Variants in ABCA4 observed in about 807,000 individuals in gnomAD.
The protein encoded by ABCA4 is retinal-specific phospholipid-transporting ATPase ABCA4.
A neutral mutation model predicts 263.7 loss-of-function variants in ABCA4; 196 were observed. That is an observed-to-expected ratio of 0.74 (90% CI 0.66 to 0.84). ABCA4 has a LOEUF of 0.84. Ranked by LOEUF, ABCA4 falls within the 40% of genes least tolerant of loss-of-function variation. The pLI, the probability that ABCA4 is intolerant of heterozygous loss-of-function variation, is 0.00. For synonymous variants in ABCA4, 1,133 were observed against 1,094.2 expected, an observed-to-expected ratio of 1.04 and a Z score of -0.70; for missense variants, 2,792 against 2,855.1, an observed-to-expected ratio of 0.98 and a Z score of 0.50.
intron 22 of ABCA4, among the ~76,000 whole-genome samples, chr1:94,042,195 T>G (rs1335467266): frequency 6.6e-6 from 1 of 151,360 alleles, no homozygotes; most frequent in African/African-American, 2.4e-5. Context: ...GGCAACGCTG[T>G]GTGAGTAGAG....
chr1:94,109,435 G>GC (rs1662539071), intron 3 of ABCA4, among the ~76,000 whole-genome samples: 1 of 152,198 alleles, frequency 6.6e-6, no homozygotes, highest in African/African-American at 2.4e-5. Context: ...ACACACATTG[G>GC]CACGCATGCA....
intron 6 of ABCA4, among the ~76,000 whole-genome samples, chr1:94,087,900 C>T (rs1200699611): frequency 6.6e-6 from 1 of 152,210 alleles, no homozygotes; most frequent in African/African-American, 2.4e-5. Context: ...CTCCCTGAGG[C>T]TTCGCCAGCC....
chr1:94,070,899 T>A (rs1334895), intron 11 of ABCA4, among the ~76,000 whole-genome samples: 35,299 of 152,070 alleles, frequency 0.23, 4,864 homozygotes, highest in African/African-American at 0.37. Context: ...GCGCTAAGTC[T>A]TGGCAAGCCT....
Position 93,993,205 on chromosome 1 carries a change from T to C in ABCA4, c.*32A>G, listed in dbSNP as rs1266965506. 3 of 1,613,890 alleles carry C rather than the reference T, an allele frequency of 1.9e-6. No individual in the cohort carries two copies. Among genetic ancestry groups the C allele is most frequent in the South Asian group, 1.1e-5 (1 of 91,074 alleles). ...TGCGCCTCCAGCTGCCCAGAGTTCC[T>C]TTCTGGCTGCAGGAACGAGCGGTGT... On this transcript the variant is annotated 3_prime_UTR_variant, in exon 50 of 50. Coordinates refer to ENST00000370225, the MANE Select transcript of ABCA4 (RefSeq NM_000350.3).
Position 94,029,481 on chromosome 1 carries a change from C to A in ABCA4, c.4503G>T (p.Glu1501Asp). Residue 1501 changes from glutamate (E) to aspartate (D), a missense_variant, in exon 30 of 50, where the codon GAG (glutamate) becomes GAT (aspartate). Physicochemically the swap from Glu to Asp is conservative, Grantham distance 45. Transcript: ENST00000370225. ...STREKLTMLP[E>D]CPEGAGGLPP... ...GGAGGCCCCCGGCACCCTCGGGGCA[C>A]TCTGGCAGCATGGTGAGCTTCTCCC... 6.3e-7 allele frequency: 1 copy of A among 1,581,126 alleles called. No homozygotes were observed. The highest frequency in any genetic ancestry group is 8.6e-7 in the Non-Finnish European group (1 of 1,161,778).
chr1:94,030,536 G>A lies in ABCA4; in HGVS notation c.4254-10C>T. The A allele has an allele frequency of 6.2e-7, 1 of 1,613,110 alleles. No homozygotes were observed. The highest frequency in any genetic ancestry group is 8.5e-7 in the Non-Finnish European group (1 of 1,179,052). On this transcript the variant is annotated splice_polypyrimidine_tract_variant and intron_variant, in intron 28 of 49. Coordinates refer to ENST00000370225, the MANE Select transcript of ABCA4 (RefSeq NM_000350.3). ...GCCTGGTTCATCCATGCTAGACAGA[G>A]TGAGACATGTGACTGGGACAGAGCA... is the stretch of plus-strand genomic sequence containing the variant.
chr1:94,096,844 A>G (rs116397588), intron 6 of ABCA4, among the ~76,000 whole-genome samples: 156 of 152,280 alleles, frequency 1.0e-3, no homozygotes, highest in African/African-American at 3.6e-3. Flanking sequence ...TGGTGACGAG[A>G]GGATTGCACG....
Position 94,019,690 on chromosome 1 carries a change from G to C in ABCA4, c.5088C>G (p.Ser1696Arg), listed in dbSNP as rs1435203678. ...GCTCCTGGATCAAATAAAGGACAAA[G>C]CTGGCTGGGACGAAGGACATGGAGA... The part of the protein sequence containing the change: ...VIFSMSFVPA[S>R]FVLYLIQERV... Residue 1696 changes from serine (S) to arginine (R), a missense_variant, in exon 36 of 50, where the codon AGC becomes AGG. Ser to Arg is a moderately radical substitution (Grantham distance 110, BLOSUM62 -1). Transcript: ENST00000370225. 4 of 1,613,810 alleles carry C rather than the reference G, an allele frequency of 2.5e-6. No individual in the cohort carries two copies. The highest frequency in any genetic ancestry group is 3.4e-6 in the Non-Finnish European group (4 of 1,179,886).
intron 16 of ABCA4, among the ~76,000 whole-genome samples, chr1:94,053,140 C>T (rs1015915018): frequency 2.6e-5 from 4 of 152,172 alleles, no homozygotes; most frequent in African/African-American, 7.2e-5. Context: ...ACTCTTCCCC[C>T]GACCCCATAC....
Position 94,011,247 on chromosome 1 carries a change from T to A in ABCA4, c.5584+15A>T. The A allele has an allele frequency of 6.2e-7, 1 of 1,613,872 alleles. No homozygotes were observed. ...ACCCAGGGCCCATGCTCCATGGGCC[T>A]CGGCTACCACCCACCAAACCGGGCA... On this transcript the variant is annotated intron_variant, in intron 39 of 49. Coordinates refer to ENST00000370225, the MANE Select transcript of ABCA4 (RefSeq NM_000350.3).
At chr1:94,120,236 A>G (rs989343081) in intron 1 of ABCA4, among the ~76,000 whole-genome samples, 2 of 152,156 alleles carry the variant, frequency 1.3e-5, no homozygotes, top group African/African-American at 2.4e-5. Context: ...TTGGTCTCCA[A>G]ACGTACTTTG....
chr1:94,098,767 T>C, intron 6 of ABCA4, 27 bp downstream of exon 6: 1 of 1,613,082 alleles, frequency 6.2e-7, no homozygotes, highest in Non-Finnish European at 8.5e-7. Flanking sequence ...ACCTTGCAAT[T>C]GGCGAGCAGC....
At chr1:94,106,905 A>G (rs945378998) in intron 4 of ABCA4, among the ~76,000 whole-genome samples, 1 of 151,752 alleles carries the variant, frequency 6.6e-6, no homozygotes, top group Non-Finnish European at 1.5e-5. Flanking sequence ...CTGCTCACTC[A>G]TCTCTCACCT....
chr1:93,996,470 G>C (rs1406447656), intron 48 of ABCA4, among the ~76,000 whole-genome samples: 1 of 152,136 alleles, frequency 6.6e-6, no homozygotes, highest in Non-Finnish European at 1.5e-5. Flanking sequence ...GGGTAATCAA[G>C]GCAAGGCAGA....
chr1:94,112,885 C>T (rs1475500481), intron 2 of ABCA4, 88 bp downstream of exon 2: 2 of 936,228 alleles, frequency 2.1e-6, no homozygotes, highest in African/African-American at 1.6e-5. Flanking sequence ...AGATCTGATC[C>T]CCACACTCCC....
At chr1:94,077,990 T>C (rs1032186893) in intron 10 of ABCA4, 103 bp from the exon 11 acceptor site, 2 of 1,152,590 alleles carry the variant, frequency 1.7e-6, no homozygotes, top group South Asian at 1.3e-5. Context: ...AGGATAGAGA[T>C]GCTAAGGCTC....
Position 94,021,704 on chromosome 1 carries a change from G to A in ABCA4, c.4784C>T (p.Thr1595Ile), listed in dbSNP as rs1051609068. The A allele has an allele frequency of 6.2e-7, 1 of 1,613,108 alleles. No homozygotes were observed. Among genetic ancestry groups the A allele is most frequent in the Non-Finnish European group, 8.5e-7 (1 of 1,179,424 alleles). Residue 1595 changes from threonine to isoleucine, a missense_variant, in exon 34 of 50, where the codon ACT (threonine) becomes ATT (isoleucine). Physicochemically the swap from Thr to Ile is moderately conservative, Grantham distance 89. Coordinates refer to ENST00000370225, the MANE Select transcript of ABCA4 (RefSeq NM_000350.3). Reference protein sequence around the residue: ...RIMNVSGGPITREASKEIPDF... With the variant: ...RIMNVSGGPIIREASKEIPDF... ...AGGTATTTCTTTAGAGGCCTCTCTA[G>A]TGATAGGGCCCTAAAAACCATGTAA...
intron 48 of ABCA4, 49 bp downstream of exon 48, chr1:93,997,812 G>C: frequency 2.5e-6 from 4 of 1,612,340 alleles, no homozygotes; most frequent in Non-Finnish European, 3.4e-6. Flanking sequence ...CACACTGGGT[G>C]TTCTGGACCA....
chr1:94,077,772 G>A lies in ABCA4; in HGVS notation c.1472C>T (p.Ala491Val), dbSNP rs1336011415. 4 of 1,614,060 alleles carry A rather than the reference G, an allele frequency of 2.5e-6. No individual in the cohort carries two copies. The African/African-American group carries it at 5.3e-5, about 22-fold the overall frequency. The change falls in exon 11 of 50, where the codon GCT becomes GTT. Residue 491 changes from alanine to valine, a missense_variant. Coordinates refer to ENST00000370225, the MANE Select transcript of ABCA4 (RefSeq NM_000350.3). ...CCAGTCGAAGTTGGCCATGTCGTCA[G>A]CCTGGCTTTCCCGAGGGCCCTTGTA... is the stretch of plus-strand genomic sequence containing the variant. ...FLYKGPRESQADDMANFDWRD... is the reference protein window; with the variant it reads ...FLYKGPRESQVDDMANFDWRD...
Sources: allele counts gnomAD v4.1 joint callset (sites outside exome capture counted in the v4.1 genomes callset), GRCh38; gene constraint gnomAD v4.1.1; transcripts MANE v1.5; gene names NCBI Gene and HGNC (gene_info 2026-07-23, HGNC 2026-07-21).